Variants in AOX1 observed in about 807,000 individuals in gnomAD.
AOX1 encodes aldehyde oxidase.
Under a neutral mutation model 169.5 loss-of-function variants are expected in AOX1, and 153 were observed. That is an observed-to-expected ratio of 0.90 (90% CI 0.79 to 1.03). The LOEUF is 1.03. Ranked by LOEUF, AOX1 falls within the 50% of genes least tolerant of loss-of-function variation. The pLI is 0.00. For missense variants in AOX1, 1,656 were observed against 1,663.9 expected (o/e 1.00, Z 0.08); for synonymous variants, 562 against 581.9 (o/e 0.97, Z 0.49).
intron 32 of AOX1, 116 bp downstream of exon 32, chr2:200,666,868 C>A (rs2035932825): frequency 3.2e-6 from 2 of 634,380 alleles, no homozygotes; most frequent in African/African-American, 1.9e-5. Flanking sequence ...ACCCTTTAGT[C>A]AACTCTATTC....
chr2:200,663,249 C>T (rs987873194), intron 31 of AOX1, among the ~76,000 whole-genome samples: 2 of 152,094 alleles, frequency 1.3e-5, no homozygotes, highest in African/African-American at 2.4e-5. Flanking sequence ...CTAAAGGGGG[C>T]TTTCATGTAG....
At chr2:200,666,092 G>A (rs1428211205) in intron 31 of AOX1, among the ~76,000 whole-genome samples, 3 of 152,206 alleles carry the variant, frequency 2.0e-5, no homozygotes, top group Non-Finnish European at 2.9e-5. Context: ...AAGCAAAGGT[G>A]TTACTAACAC....
chr2:200,609,969 C>T (rs945314201), intron 12 of AOX1, among the ~76,000 whole-genome samples: 5 of 151,978 alleles, frequency 3.3e-5, no homozygotes, highest in African/African-American at 9.7e-5. Flanking sequence ...TCTAATTGGT[C>T]CTCTGTAAAT....
At chr2:200,587,354 G>T (rs182164659) in intron 1 of AOX1, among the ~76,000 whole-genome samples, 1 of 152,280 alleles carries the variant, frequency 6.6e-6, no homozygotes, top group East Asian at 1.9e-4. Flanking sequence ...CCTGGTGCTC[G>T]TGTTGGTGCC....
chr2:200,603,192 T>G, intron 6 of AOX1, 75 bp from the exon 7 acceptor site: 5 of 1,152,824 alleles, frequency 4.3e-6, no homozygotes, highest in Non-Finnish European at 6.5e-6. Context: ...ATGTTTCAAC[T>G]GGCATTCACC....
At chr2:200,618,143 G>T (rs2470899) in intron 16 of AOX1, among the ~76,000 whole-genome samples, 131,177 of 152,102 alleles carry the variant, frequency 0.86, 56,637 homozygotes, top group East Asian at 1. Flanking sequence ...TACCTTTATT[G>T]AATGGAGCCC....
intron 25 of AOX1, among the ~76,000 whole-genome samples, chr2:200,648,623 T>C (rs1190223587): frequency 6.6e-6 from 1 of 152,126 alleles, no homozygotes; most frequent in African/African-American, 2.4e-5. Context: ...TGGAGAGGGA[T>C]TGGCGGTGGG....
chr2:200,670,368 C>T (rs2036003632), intron 34 of AOX1, among the ~76,000 whole-genome samples: 1 of 152,186 alleles, frequency 6.6e-6, no homozygotes, highest in African/African-American at 2.4e-5. Context: ...CCCTAAGCCC[C>T]TGACACGTTG....
intron 24 of AOX1, among the ~76,000 whole-genome samples, chr2:200,642,352 A>G (rs542655706): frequency 3.3e-5 from 5 of 152,316 alleles, no homozygotes; most frequent in African/African-American, 4.8e-5. Context: ...AGGCCTTTGT[A>G]TATATTTGAA....
intron 18 of AOX1, among the ~76,000 whole-genome samples, chr2:200,622,257 A>T (rs1195961892): frequency 6.6e-6 from 1 of 152,240 alleles, no homozygotes; most frequent in East Asian, 1.9e-4. Flanking sequence ...GTGAGGACCC[A>T]TGTCTGATTC....
chr2:200,666,940 T>C (rs1167958432), intron 32 of AOX1, among the ~76,000 whole-genome samples, 188 bp downstream of exon 32: 1 of 152,172 alleles, frequency 6.6e-6, no homozygotes, highest in African/African-American at 2.4e-5. Context: ...AAAGGTGTTT[T>C]AGGTAGTTTT....
intron 32 of AOX1, among the ~76,000 whole-genome samples, chr2:200,667,889 A>G (rs1382573364): frequency 6.6e-6 from 1 of 152,050 alleles, no homozygotes; most frequent in Admixed American, 6.5e-5. Context: ...GGATGAGACA[A>G]TGGGATTGTA....
rs1177486799 is a variant in AOX1 at position 200,602,274 on chromosome 2, T to C, written c.437-10T>C. The C allele has an allele frequency of 1.2e-6, 2 of 1,613,424 alleles. No individual in the cohort carries two copies. Among genetic ancestry groups the C allele is most frequent in the Non-Finnish European group, 8.5e-7 (1 of 1,179,786 alleles). On this transcript the variant is annotated splice_polypyrimidine_tract_variant and intron_variant, in intron 5 of 34. Coordinates refer to ENST00000374700, the MANE Select transcript of AOX1 (RefSeq NM_001159.4). ...CACTTGGCTAACAGAGCTGGGTTTT[T>C]CTCCTTCAGGTAACCTGTGCCGTTG... is the stretch of plus-strand genomic sequence containing the variant.
At chr2:200,595,509 A>G in intron 3 of AOX1, 141 bp downstream of exon 3, 2 of 525,828 alleles carry the variant, frequency 3.8e-6, no homozygotes, top group Non-Finnish European at 6.7e-6. Flanking sequence ...AACAAGACAG[A>G]CATGGTCCTA....
chr2:200,653,377 C>T (rs1326118417), intron 26 of AOX1, among the ~76,000 whole-genome samples: 1 of 152,218 alleles, frequency 6.6e-6, no homozygotes, highest in Non-Finnish European at 1.5e-5. Flanking sequence ...GAGGAGGAAA[C>T]TAGACATGAT....
chr2:200,654,060 G>A (rs1205339364), intron 26 of AOX1, among the ~76,000 whole-genome samples: 8 of 151,752 alleles, frequency 5.3e-5, no homozygotes, highest in Admixed American at 3.9e-4. Context: ...ATTGAAATTA[G>A]GTCATTTAAT....
chr2:200,637,226 A>G (rs1452303855), intron 22 of AOX1, among the ~76,000 whole-genome samples, 182 bp downstream of exon 22: 1 of 152,234 alleles, frequency 6.6e-6, no homozygotes, highest in African/African-American at 2.4e-5. Context: ...AACCAAAATA[A>G]GAGTCAATTA....
At chr2:200,667,413 C>A (rs1287879308) in intron 32 of AOX1, among the ~76,000 whole-genome samples, 1 of 151,982 alleles carries the variant, frequency 6.6e-6, no homozygotes, top group Non-Finnish European at 1.5e-5. Context: ...AGCTCATTAC[C>A]TCTGATTTAG....
At chr2:200,600,643 A>C (rs1249838230) in intron 5 of AOX1, among the ~76,000 whole-genome samples, 1 of 152,140 alleles carries the variant, frequency 6.6e-6, no homozygotes, top group Non-Finnish European at 1.5e-5. Flanking sequence ...TCATATGTAC[A>C]CTTACTCTGC....
Sources: allele counts gnomAD v4.1 joint callset (sites outside exome capture counted in the v4.1 genomes callset), GRCh38; gene constraint gnomAD v4.1.1; transcripts MANE v1.5; gene names NCBI Gene and HGNC (gene_info 2026-07-23, HGNC 2026-07-21).